The following STOX2 variants were observed in gnomAD, a reference collection of about 807,000 sequenced individuals.
STOX2 encodes the protein storkhead box 2.
STOX2 carries 28 observed loss-of-function variants against 60.9 expected under a neutral mutation model. That is an observed-to-expected ratio of 0.46 (90% CI 0.34 to 0.63). The LOEUF (loss-of-function observed/expected upper bound fraction) is 0.63. STOX2 is among the 30% of genes least tolerant of loss of function. The pLI is 0.01. For synonymous variants in STOX2, 472 were observed against 463.9 expected (o/e 1.02, Z -0.22); for missense variants, 1,024 against 1,187.7 (o/e 0.86, Z 2.03).
At position 183,806,226 on chromosome 4, in the gene STOX2, T is replaced by C. The variant is rs1738885553; in HGVS notation, c.364+8171T>C. ...TATTGTGAAGGCCCTGTAATAATTT[T>C]CTAAAGTGACAGCCCATCTGTCAGT... On this transcript the variant is annotated intron_variant, in intron 1 of 2. Coordinates refer to the STOX2 transcript ENST00000513034. This position sits in a 1 kb window ranked among gnomAD's most constrained non-coding sequence, Gnocchi z 4.1. Among the ~76,000 whole-genome samples, 1 of 152,226 alleles carries C rather than the reference T, an allele frequency of 6.6e-6. No individual in the cohort carries two copies. Among genetic ancestry groups the C allele is most frequent in the African/African-American group, 2.4e-5 (1 of 41,456 alleles).
At chr4:183,961,494 A>G (rs1029613059) in intron 1 of STOX2, among the ~76,000 whole-genome samples, 1 of 152,164 alleles carries the variant, frequency 6.6e-6, no homozygotes, top group Admixed American at 6.5e-5. Flanking sequence ...CACCAAATAC[A>G]AGGCCAGCTA....
chr4:184,010,226 C>G lies in STOX2; in HGVS notation c.1388C>G (p.Ser463Cys). 1 of 1,556,730 alleles carries G rather than the reference C, an allele frequency of 6.4e-7. No homozygotes were observed. The highest frequency in any genetic ancestry group is 8.7e-7 in the Non-Finnish European group (1 of 1,150,094). ...TTTCCTGAACCTTCTAGGGGAAGCT[C>G]CCACTCAAAAGTGCACCGAAGCCAC... is the stretch of plus-strand genomic sequence containing the variant. ...MPFPEPSRGS[S>C]HSKVHRSHSH... The change falls in exon 3 of 4, where the codon TCC becomes TGC. Residue 463 changes from serine (S) to cysteine (C), a missense_variant. Ser to Cys is a moderately radical substitution (Grantham distance 112, BLOSUM62 -1). Coordinates refer to ENST00000308497, the MANE Select transcript of STOX2 (RefSeq NM_020225.3). The surrounding 1 kb of genome is among the most constrained non-coding windows in gnomAD (Gnocchi z 4.5).
chr4:183,974,680 T>C (rs1040677094), intron 1 of STOX2, among the ~76,000 whole-genome samples: 1 of 152,108 alleles, frequency 6.6e-6, no homozygotes, highest in African/African-American at 2.4e-5. Context: ...AAAAAGTGTA[T>C]GTACCTAACA....
intron 1 of STOX2, among the ~76,000 whole-genome samples, chr4:183,877,736 A>G (rs1314025630): frequency 2.0e-5 from 3 of 152,204 alleles, no homozygotes; most frequent in Non-Finnish European, 4.4e-5. Flanking sequence ...GCTGGAGTAC[A>G]GTGGGGCGAT....
At chr4:183,894,997 T>C (rs1034198627) in intron 1 of STOX2, among the ~76,000 whole-genome samples, 9 of 152,224 alleles carry the variant, frequency 5.9e-5, no homozygotes, top group African/African-American at 1.9e-4. Context: ...GGACTTTGTT[T>C]GGATGACACA....
chr4:183,952,553 C>G (rs1227443071), intron 1 of STOX2, among the ~76,000 whole-genome samples: 1 of 151,972 alleles, frequency 6.6e-6, no homozygotes, highest in Non-Finnish European at 1.5e-5. Flanking sequence ...GGGGGTAAAT[C>G]AAAAAGGAAT....
chr4:183,968,761 C>T lies in STOX2; in HGVS notation c.167-32564C>T, dbSNP rs185215694. ...AGTAGGTTGGGTTGCGGCAGGGGGG[C>T]GGGGGGTGTTGGGTGGCAGGGGTTT... On this transcript the variant is annotated intron_variant, in intron 1 of 3. Transcript: ENST00000308497. Among the ~76,000 whole-genome samples, 55 of 2,178 alleles carry T rather than the reference C, an allele frequency of 0.025. No homozygotes were observed. In the East Asian group the frequency reaches 0.26, roughly 10 times the overall value. The allele number at this position is 2,178 out of a possible 152,430, so 1.4% of individuals were successfully genotyped here.
intron 1 of STOX2, among the ~76,000 whole-genome samples, chr4:183,820,255 T>A (rs58942120): frequency 0.021 from 3,193 of 152,260 alleles, 86 homozygotes; most frequent in African/African-American, 0.071. Flanking sequence ...CCAGATGATG[T>A]TCTGTGTTCA....
chr4:183,853,498 C>A (rs972840232), intron 1 of STOX2: 1 of 152,196 alleles, frequency 6.6e-6, no homozygotes, highest in Admixed American at 6.5e-5. Context: ...TATTTTAATG[C>A]AGCCTGGAAA....
chr4:183,987,370 C>T (rs1412768820), intron 1 of STOX2, among the ~76,000 whole-genome samples: 3 of 152,116 alleles, frequency 2.0e-5, no homozygotes, highest in Non-Finnish European at 4.4e-5. Context: ...TGTGTAAATG[C>T]ATGTCCGCAG....
At chr4:183,892,376 T>C (rs1404735112) in intron 1 of STOX2, among the ~76,000 whole-genome samples, 4 of 152,178 alleles carry the variant, frequency 2.6e-5, no homozygotes, top group Non-Finnish European at 5.9e-5. Context: ...CCTCCCGGGT[T>C]CACGCCATTC....
At chr4:183,820,116 G>T (rs576783228) in intron 1 of STOX2, among the ~76,000 whole-genome samples, 59 of 152,094 alleles carry the variant, frequency 3.9e-4, no homozygotes, top group African/African-American at 1.4e-3. Flanking sequence ...TAAGAGATGG[G>T]GTTTCACCAT....
At chr4:183,839,623 T>C (rs966248205) in intron 1 of STOX2, among the ~76,000 whole-genome samples, 7 of 152,208 alleles carry the variant, frequency 4.6e-5, no homozygotes, top group African/African-American at 7.2e-5. Flanking sequence ...TGTGCAAGTC[T>C]ACAGGGCAAA....
intron 1 of STOX2, among the ~76,000 whole-genome samples, chr4:183,930,018 C>G (rs1220196294): frequency 6.6e-6 from 1 of 152,052 alleles, no homozygotes; most frequent in African/African-American, 2.4e-5. Flanking sequence ...CGCCCCTCAC[C>G]ACGCCTGGCT....
chr4:183,990,578 ATTTTTTTTTTTTT>A (rs57369052), intron 1 of STOX2, among the ~76,000 whole-genome samples: 9 of 82,484 alleles, frequency 1.1e-4, no homozygotes, highest in African/African-American at 1.9e-4. Context: ...AAAAAGCAGG[ATTTTTTTTTTTTT>A]TTTTTTTTTT....
chr4:183,798,135 C>T (rs1738670994), intron 1 of STOX2: 5 of 1,195,364 alleles, frequency 4.2e-6, no homozygotes, highest in Non-Finnish European at 5.2e-6. Context: ...GTGCCCCGCC[C>T]TGCCCCAGCC....
chr4:184,004,995 C>G (rs1265725385), intron 2 of STOX2, among the ~76,000 whole-genome samples: 1 of 152,186 alleles, frequency 6.6e-6, no homozygotes, highest in African/African-American at 2.4e-5. Flanking sequence ...GTTCTGTCTC[C>G]CATTCGTCTC....
intron 1 of STOX2, among the ~76,000 whole-genome samples, chr4:183,882,462 A>T (rs1005199900): frequency 2.6e-5 from 4 of 152,232 alleles, no homozygotes; most frequent in Admixed American, 6.5e-5. Flanking sequence ...AGTGAAACCT[A>T]ATTCAATTAA....
chr4:184,017,436 AC>A lies in STOX2; in HGVS notation c.*153del. The A allele has an allele frequency of 1.5e-6, 1 of 687,170 alleles. No homozygotes were observed. Among genetic ancestry groups the A allele is most frequent in the Non-Finnish European group, 2.4e-6 (1 of 425,398 alleles). 42.6% of individuals were successfully genotyped at this position (687,170 alleles called of 1,614,324 possible). ...TGCTAAGTAGGGCTAGGGCAAAAAA[AC>A]AAAAAATCTTTATTTCAGAGTATTG... On this transcript the variant is annotated 3_prime_UTR_variant, in exon 4 of 4. Coordinates refer to ENST00000308497, the MANE Select transcript of STOX2 (RefSeq NM_020225.3).
Sources: gnomAD v4.1 joint callset for allele counts (sites outside exome capture counted in the v4.1 genomes callset) on GRCh38, gnomAD v4.1.1 for gene constraint, Gnocchi (gnomAD v3.1) non-coding constraint, MANE v1.5 for transcripts, NCBI Gene and HGNC (gene_info 2026-07-23, HGNC 2026-07-21) for gene names.